ANKRD42: variants seen among roughly 807,000 people sequenced by gnomAD.
ANKRD42 encodes the protein ankyrin repeat domain 42, also known as ankyrin repeat domain-containing protein 42.
ANKRD42 carries 43 observed loss-of-function variants against 51.5 expected under a neutral mutation model. The ratio of observed to expected loss-of-function variants is 0.83; its 90% CI spans 0.65 to 1.08. The LOEUF (loss-of-function observed/expected upper bound fraction) is 1.08. Among genes scored for constraint, ANKRD42 ranks in the 50% least tolerant of loss-of-function variants. The pLI is 0.00. For synonymous variants in ANKRD42, 203 were observed against 213.0 expected, an observed-to-expected ratio of 0.95 and a Z score of 0.41; for missense variants, 608 against 629.3, an observed-to-expected ratio of 0.97 and a Z score of 0.36.
In ANKRD42 at chr11:83,224,941, T is replaced by A; in HGVS notation, c.673T>A (p.Phe225Ile). The change falls in exon 6 of 11, where the codon TTC becomes ATC. Residue 225 changes from phenylalanine to isoleucine, a missense_variant. By Grantham distance (21) the Phe-to-Ile change is conservative. Coordinates refer to ENST00000533342, the MANE Select transcript of ANKRD42 (RefSeq NM_001300975.2). The part of the protein sequence containing the change: ...MSSATQVLKA[F>I]NDNGENVLDL... ...CAGTGCGACGCAAGTTTTAAAAGCT[T>A]TCAATGATAATGGAGAAAATGTACT... 1 of 1,613,648 alleles carries A rather than the reference T, an allele frequency of 6.2e-7. No individual in the cohort carries two copies. The highest frequency in any genetic ancestry group is 8.5e-7 in the Non-Finnish European group (1 of 1,179,626).
At chr11:83,246,959 T>G (rs1863559401) in intron 10 of ANKRD42, among the ~76,000 whole-genome samples, 1 of 152,218 alleles carries the variant, frequency 6.6e-6, no homozygotes, top group African/African-American at 2.4e-5. Context: ...CCCTATTAAC[T>G]GAAACTACCT....
At chr11:83,211,214 AT>A (rs1195159612) in intron 4 of ANKRD42, 80 bp from the exon 5 acceptor site, 1 of 1,554,458 alleles carries the variant, frequency 6.4e-7, no homozygotes, top group South Asian at 1.1e-5. Flanking sequence ...TCCAATTCTT[AT>A]TTACAGAATT....
At chr11:83,205,470 C>G (rs1201829576) in intron 2 of ANKRD42, among the ~76,000 whole-genome samples, 1 of 152,158 alleles carries the variant, frequency 6.6e-6, no homozygotes, top group Non-Finnish European at 1.5e-5. Context: ...CAAACTTGAA[C>G]ATATAAAGAC....
intron 8 of ANKRD42, among the ~76,000 whole-genome samples, chr11:83,239,003 T>TG (rs1863306683): frequency 1.4e-5 from 1 of 70,362 alleles, no homozygotes; most frequent in Non-Finnish European, 2.8e-5. Flanking sequence ...AGCTAGACCC[T>TG]CAAAAAAAAA....
At chr11:83,231,296 T>C (rs1481155607) in intron 7 of ANKRD42, among the ~76,000 whole-genome samples, 2 of 152,250 alleles carry the variant, frequency 1.3e-5, no homozygotes, top group African/African-American at 2.4e-5. Context: ...TTGATTTGCA[T>C]TTATTTGACT....
chr11:83,242,979 A>G (rs1863439276), intron 9 of ANKRD42, among the ~76,000 whole-genome samples: 1 of 152,186 alleles, frequency 6.6e-6, no homozygotes, highest in Non-Finnish European at 1.5e-5. Flanking sequence ...TAGTTTGAAT[A>G]TAGTGTGAAT....
chr11:83,203,021 C>T (rs1437338905), intron 2 of ANKRD42, among the ~76,000 whole-genome samples: 5 of 118,048 alleles, frequency 4.2e-5, no homozygotes, highest in South Asian at 3.0e-4. Context: ...GACAGGGTAT[C>T]GCTCTTGTTT....
intron 11 of ANKRD42, among the ~76,000 whole-genome samples, chr11:83,255,001 T>A (rs1279636279): frequency 1.3e-5 from 2 of 152,202 alleles, no homozygotes; most frequent in Non-Finnish European, 2.9e-5. Context: ...TGTTGGATAA[T>A]GGCAGCTTAC....
intron 7 of ANKRD42, among the ~76,000 whole-genome samples, chr11:83,229,514 C>G (rs755024177): frequency 6.6e-6 from 1 of 152,116 alleles, no homozygotes; most frequent in Non-Finnish European, 1.5e-5. Flanking sequence ...CATAGTACAT[C>G]TTTGTGGGGA....
Position 83,198,639 on chromosome 11 carries a change from G to A in ANKRD42, c.219G>A (p.Leu73=), listed in dbSNP as rs1362449692. 2.5e-6 allele frequency: 4 copies of A among 1,584,334 alleles called. No homozygotes were observed. The highest frequency in any genetic ancestry group is 1.8e-5 in the Admixed American group (1 of 55,620). ...ATTGGGCAGCACATTCTGGAAGTTT[G>A]GAGGTAAGAAACTATACATATCACT... ...PLHWAAHSGS[L]ECLHWLLWHG... is the part of the protein sequence containing the mutation. Residue 73 remains leucine (L), a synonymous_variant, in exon 2 of 11, where the codon TTG becomes TTA. Transcript: ENST00000533342.
At chr11:83,246,340 A>T (rs529600222) in intron 10 of ANKRD42, among the ~76,000 whole-genome samples, 310 of 152,356 alleles carry the variant, frequency 2.0e-3, no homozygotes, top group Non-Finnish European at 3.3e-3. Context: ...ATGCATATAG[A>T]TTATATGCAG....
rs199578599 is a variant in ANKRD42 at position 83,211,268 on chromosome 11, C to T, written c.451-27C>T. ...ATTTCCCCTACAAAATGGGGAGAAA[C>T]TAAGTCCTTGTGAATGTTACCTCTA... On this transcript the variant is annotated intron_variant, in intron 4 of 10. Coordinates refer to ENST00000533342, the MANE Select transcript of ANKRD42 (RefSeq NM_001300975.2). The T allele has an allele frequency of 5.0e-6, 8 of 1,613,578 alleles. No homozygotes were observed. In the Admixed American group the frequency reaches 1.3e-4, roughly 27 times the overall value.
downstream of ANKRD42, among the ~76,000 whole-genome samples, chr11:83,249,381 T>G (rs184840358): frequency 4.6e-4 from 70 of 152,172 alleles, 1 homozygote; most frequent in East Asian, 4.0e-3. Flanking sequence ...CAATTAGTTT[T>G]TTTGTTTGTT....
At chr11:83,234,854 T>C (rs922945816) in intron 7 of ANKRD42, among the ~76,000 whole-genome samples, 1 of 152,142 alleles carries the variant, frequency 6.6e-6, no homozygotes, top group Non-Finnish European at 1.5e-5. Flanking sequence ...AGCTTGTAAT[T>C]TGGCAGATGG....
intron 8 of ANKRD42, among the ~76,000 whole-genome samples, chr11:83,239,888 A>C (rs1412428532): frequency 6.6e-6 from 1 of 152,232 alleles, no homozygotes; most frequent in Non-Finnish European, 1.5e-5. Context: ...TCTAGCATAA[A>C]GTAAGCACTC....
intron 3 of ANKRD42, 50 bp downstream of exon 3, chr11:83,206,215 G>A: frequency 2.2e-6 from 3 of 1,387,142 alleles, no homozygotes; most frequent in Non-Finnish European, 3.1e-6. Flanking sequence ...ACATAGTTCT[G>A]TTGGGATATT....
intron 5 of ANKRD42, chr11:83,213,338 C>A: frequency 6.3e-7 from 1 of 1,582,052 alleles, no homozygotes. Context: ...GTGGAAAGAG[C>A]TGCCCAGCTG....
At chr11:83,223,950 T>C (rs1185788961) in intron 5 of ANKRD42, among the ~76,000 whole-genome samples, 2 of 152,020 alleles carry the variant, frequency 1.3e-5, no homozygotes, top group Non-Finnish European at 2.9e-5. Flanking sequence ...CATTCCTTTT[T>C]TTTTTTTTTT....
At chr11:83,228,229 CTCTTTTTTTTTTTTTTTTTTT>C (rs1445007635) in intron 7 of ANKRD42, among the ~76,000 whole-genome samples, 3 of 41,114 alleles carry the variant, frequency 7.3e-5, no homozygotes, top group African/African-American at 2.8e-4. Flanking sequence ...CCCTCTCTCT[CTCTTTTTTTTTTTTTTTTTTT>C]TTTTTTTTTT....
Sources: gnomAD v4.1 joint callset for allele counts (sites outside exome capture counted in the v4.1 genomes callset) on GRCh38, gnomAD v4.1.1 for gene constraint, MANE v1.5 for transcripts, NCBI Gene and HGNC (gene_info 2026-07-23, HGNC 2026-07-21) for gene names.